Variants in TMEM200A observed in about 807,000 individuals in gnomAD.
TMEM200A encodes transmembrane protein 200A.
TMEM200A carries 12 observed loss-of-function variants against 24.3 expected under a neutral mutation model. The observed-to-expected ratio is 0.49, with a 90% CI of 0.32 to 0.80. The LOEUF is 0.80. Ranked by LOEUF, TMEM200A falls within the 30% of genes least tolerant of loss-of-function variation. TMEM200A has a pLI of 0.04. For missense variants in TMEM200A, 545 were observed against 614.4 expected (o/e 0.89, Z 1.19); for synonymous variants, 224 against 224.4 (o/e 1.00, Z 0.02).
rs556738091 is a variant in TMEM200A at position 130,439,872 on chromosome 6, T to C, written c.-16-535T>C. On this transcript the variant is annotated intron_variant, in intron 2 of 2. Transcript: ENST00000296978. ...ATTAAATGTGGCAGCTAAGAATTCA[T>C]TGACGACTTTCACAAGAGAGGTCTT... is the stretch of plus-strand genomic sequence containing the variant. Among the ~76,000 whole-genome samples, 185 of 152,294 alleles carry C rather than the reference T, an allele frequency of 1.2e-3. 2 individuals are homozygous for C. Among genetic ancestry groups the C allele is most frequent in the African/African-American group, 4.1e-3 (169 of 41,562 alleles).
chr6:130,375,298 A>C (rs1215151869), intron 1 of TMEM200A, among the ~76,000 whole-genome samples: 1 of 152,206 alleles, frequency 6.6e-6, no homozygotes, highest in African/African-American at 2.4e-5. Flanking sequence ...AATAACGCAG[A>C]ACACTGTGTA....
chr6:130,421,427 CATG>C, intron 2 of TMEM200A: 2 of 151,918 alleles, frequency 1.3e-5, no homozygotes, highest in South Asian at 4.2e-4. Context: ...AGGTGCATAA[CATG>C]ATGTTTTGAT....
At chr6:130,431,050 G>A (rs549951168) in intron 2 of TMEM200A, among the ~76,000 whole-genome samples, 42 of 152,240 alleles carry the variant, frequency 2.8e-4, no homozygotes, top group African/African-American at 9.6e-4. Flanking sequence ...ACCTTTAGTA[G>A]CCTTAACAAT....
chr6:130,432,390 A>G lies in TMEM200A; in HGVS notation c.-16-8017A>G, dbSNP rs192793887. Among the ~76,000 whole-genome samples, 14 of 152,368 alleles carry G rather than the reference A, an allele frequency of 9.2e-5. No homozygotes were observed. In the East Asian group the frequency reaches 2.7e-3, roughly 29 times the overall value. ...TGAAGAAATAGAATGAATTTAAAAG[A>G]AAGGCGTGCTTTATTCTTTCTGTAT... On this transcript the variant is annotated intron_variant, in intron 2 of 2. Coordinates refer to ENST00000296978, the MANE Select transcript of TMEM200A (RefSeq NM_001258277.2).
At chr6:130,437,891 G>C (rs1247039653) in intron 2 of TMEM200A, 2 of 152,046 alleles carry the variant, frequency 1.3e-5, no homozygotes, top group Non-Finnish European at 2.9e-5. Flanking sequence ...AAGCGAAAAT[G>C]GTAGTGCTAA....
At chr6:130,403,090 A>G (rs1350447264) in intron 2 of TMEM200A, among the ~76,000 whole-genome samples, 2 of 152,100 alleles carry the variant, frequency 1.3e-5, no homozygotes, top group Non-Finnish European at 2.9e-5. Flanking sequence ...CTCTAAGTGC[A>G]GAAACACCAG....
intron 2 of TMEM200A, among the ~76,000 whole-genome samples, chr6:130,410,729 T>C (rs1504025): frequency 0.49 from 74,597 of 152,112 alleles, 22,382 homozygotes; most frequent in African/African-American, 0.85. Context: ...GAACTTATGT[T>C]TTAATTCTGA....
intron 1 of TMEM200A, among the ~76,000 whole-genome samples, chr6:130,367,253 G>T (rs752150218): frequency 2.0e-5 from 3 of 152,166 alleles, no homozygotes; most frequent in Non-Finnish European, 4.4e-5. Context: ...GCCTTAGTCC[G>T]GTCCACCTTA....
At chr6:130,427,119 A>G (rs573650395) in intron 2 of TMEM200A, among the ~76,000 whole-genome samples, 4 of 152,262 alleles carry the variant, frequency 2.6e-5, no homozygotes, top group African/African-American at 7.2e-5. Flanking sequence ...TATGTACCAG[A>G]CTGGTTTGCC....
In TMEM200A at chr6:130,440,663, C is replaced by G; in HGVS notation, c.241C>G (p.Leu81Val). The G allele has an allele frequency of 6.2e-7, 1 of 1,613,796 alleles. No individual in the cohort carries two copies. The highest frequency in any genetic ancestry group is 1.3e-5 in the African/African-American group (1 of 75,016). ...ISIIGIAMAV[L>V]GYWPQKEHFI... Reference sequence around the variant, plus strand: ...CATTATAGGAATTGCTATGGCCGTTCTTGGATATTGGCCCCAAAAAGAACA... The same window carrying G: ...CATTATAGGAATTGCTATGGCCGTTGTTGGATATTGGCCCCAAAAAGAACA... Residue 81 changes from leucine to valine, a missense_variant, in exon 3 of 3, where the codon CTT becomes GTT. Coordinates refer to ENST00000296978, the MANE Select transcript of TMEM200A (RefSeq NM_001258277.2).
Position 130,440,553 on chromosome 6 carries a change from C to G in TMEM200A, c.131C>G (p.Pro44Arg). Reference protein sequence around the residue: ...TQEKKPIRRRPRADVVVVRGK... With the variant: ...TQEKKPIRRRRRADVVVVRGK... ...GAGAAGAAGCCCATCAGGCGCCGGC[C>G]CCGGGCAGATGTTGTGGTTGTTCGT... The change falls in exon 3 of 3, where the codon CCC becomes CGC. Residue 44 changes from proline (P) to arginine (R), a missense_variant. By Grantham distance (103) the Pro-to-Arg change is moderately radical. Transcript: ENST00000296978. 1 of 1,614,066 alleles carries G rather than the reference C, an allele frequency of 6.2e-7. No individual in the cohort carries two copies. Among genetic ancestry groups the G allele is most frequent in the Non-Finnish European group, 8.5e-7 (1 of 1,179,962 alleles).
chr6:130,418,037 T>TCTCTTC lies in TMEM200A; in HGVS notation c.-16-22366_-16-22361dup, dbSNP rs1395581269. 2.6e-5 allele frequency among the ~76,000 whole-genome samples: 4 copies of TCTCTTC among 152,164 alleles called. No homozygotes were observed. In the South Asian group the frequency reaches 6.2e-4, roughly 24 times the overall value. On this transcript the variant is annotated intron_variant, in intron 2 of 2. Coordinates refer to ENST00000296978, the MANE Select transcript of TMEM200A (RefSeq NM_001258277.2). Reference sequence around the variant, plus strand: ...AGTTGCAGTATTGGCCTAGTGTCCATCTCTTCCTCCTCCAGACTCCTGCAG... The same window carrying TCTCTTC: ...AGTTGCAGTATTGGCCTAGTGTCCATCTCTTCCTCTTCCTCCTCCAGACTCCTGCAG...
intron 2 of TMEM200A, among the ~76,000 whole-genome samples, chr6:130,403,439 AT>A (rs1779132351): frequency 6.6e-6 from 1 of 152,088 alleles, no homozygotes; most frequent in African/African-American, 2.4e-5. Flanking sequence ...ACTTTGAGGT[AT>A]TTTTAACCTG....
At position 130,366,595 on chromosome 6, in the gene TMEM200A, ACTT is replaced by A. The variant is rs987042880; in HGVS notation, c.-81+76_-81+78del. The A allele has an allele frequency of 8.1e-6, 8 of 985,152 alleles. No homozygotes were observed. Among genetic ancestry groups the A allele is most frequent in the Non-Finnish European group, 9.6e-6 (8 of 829,650 alleles). 61.0% of individuals were successfully genotyped at this position (985,152 alleles called of 1,614,324 possible). A position where few individuals can be genotyped will look rare whatever the true frequency, so the allele number is the denominator to read the frequency against. ...GCGGCCACCGCAGCCGAAACCGGGC[ACTT>A]CTTCAGCCCTCTGCCCTCCCCTCCC... On this transcript the variant is annotated intron_variant, in intron 1 of 2. Coordinates refer to ENST00000296978, the MANE Select transcript of TMEM200A (RefSeq NM_001258277.2). The surrounding 1 kb of genome is among the most constrained non-coding windows in gnomAD (Gnocchi z 4.4).
At chr6:130,371,955 T>C (rs1451307583) in intron 1 of TMEM200A, among the ~76,000 whole-genome samples, 1 of 152,228 alleles carries the variant, frequency 6.6e-6, no homozygotes, top group Non-Finnish European at 1.5e-5. Flanking sequence ...CCATGCGCCT[T>C]AGATACGTAA....
chr6:130,411,978 G>A (rs1306507680), intron 2 of TMEM200A, among the ~76,000 whole-genome samples: 5 of 151,962 alleles, frequency 3.3e-5, no homozygotes, highest in African/African-American at 1.2e-4. Context: ...TTGTAGTTTA[G>A]TAGGTTAAAA....
intron 2 of TMEM200A, among the ~76,000 whole-genome samples, chr6:130,401,427 TTCTC>T (rs775473998): frequency 6.7e-6 from 1 of 148,626 alleles, no homozygotes; most frequent in African/African-American, 2.5e-5. Flanking sequence ...CTTTCTTTCT[TTCTC>T]TCTTTCCTTC....
intron 1 of TMEM200A, among the ~76,000 whole-genome samples, chr6:130,369,691 G>A (rs909691638): frequency 1.3e-5 from 2 of 152,156 alleles, no homozygotes; most frequent in African/African-American, 2.4e-5. Context: ...ATATAAAGGC[G>A]AGGATTCTGG....
At position 130,441,386 on chromosome 6, in the gene TMEM200A, T is replaced by G. The variant is rs1227269084; in HGVS notation, c.964T>G (p.Leu322Val). 6.2e-7 allele frequency: 1 copy of G among 1,613,952 alleles called. No individual in the cohort carries two copies. Among genetic ancestry groups the G allele is most frequent in the Non-Finnish European group, 8.5e-7 (1 of 1,180,008 alleles). Residue 322 changes from leucine to valine, a missense_variant, in exon 3 of 3, where the codon TTG becomes GTG. Transcript: ENST00000296978. ...CAACCTCAAAAGTAGGTCAAGGAATTTGTCAATGGATTCCCTTGTGGTTCC... is the reference window on the plus strand; with the variant it reads ...CAACCTCAAAAGTAGGTCAAGGAATGTGTCAATGGATTCCCTTGTGGTTCC... The part of the protein sequence containing the change: ...ADNLKSRSRN[L>V]SMDSLVVPLP...
Sources: allele counts gnomAD v4.1 joint callset (sites outside exome capture counted in the v4.1 genomes callset), GRCh38; gene constraint gnomAD v4.1.1; non-coding constraint Gnocchi (gnomAD v3.1); transcripts MANE v1.5; gene names NCBI Gene and HGNC (gene_info 2026-07-23, HGNC 2026-07-21).